Variants in FBXO28 observed in about 807,000 individuals in gnomAD.
FBXO28 encodes F-box protein 28.
FBXO28 carries 8 observed loss-of-function variants against 38.1 expected under a neutral mutation model. That is an observed-to-expected ratio of 0.21 (90% CI 0.12 to 0.38). The LOEUF (loss-of-function observed/expected upper bound fraction) is 0.38, where lower values mean the gene tolerates loss of function less well. FBXO28 is among the 10% of genes least tolerant of loss of function. FBXO28 has a pLI of 1.00. For synonymous variants in FBXO28, 168 were observed against 173.8 expected (o/e 0.97, Z 0.26); for missense variants, 345 against 460.6 (o/e 0.75, Z 2.30).
intron 3 of FBXO28, among the ~76,000 whole-genome samples, chr1:224,137,494 G>T (rs953202962): frequency 6.6e-6 from 1 of 151,558 alleles, no homozygotes; most frequent in African/African-American, 2.4e-5. Context: ...CTGCACTCCA[G>T]CCTGGCAACA....
At chr1:224,115,079 G>A (rs928458239) in intron 1 of FBXO28, among the ~76,000 whole-genome samples, 2 of 151,996 alleles carry the variant, frequency 1.3e-5, no homozygotes, top group Non-Finnish European at 1.5e-5. Flanking sequence ...CCCTTGACGG[G>A]TTTTTTCTCT....
At position 224,136,659 on chromosome 1, in the gene FBXO28, C is replaced by T. The variant is rs372407642; in HGVS notation, c.516+2447C>T. 3.8e-4 allele frequency among the ~76,000 whole-genome samples: 57 copies of T among 150,822 alleles called. No individual in the cohort carries two copies. In the South Asian group the frequency reaches 0.012, roughly 31 times the overall value. Reference sequence around the variant, plus strand: ...AGGAGAATGGCATGAACCTGGGAGGCAGAGCTTGCAGTGAGCCAAGATCGT... The same window carrying T: ...AGGAGAATGGCATGAACCTGGGAGGTAGAGCTTGCAGTGAGCCAAGATCGT... On this transcript the variant is annotated intron_variant, in intron 3 of 4. Transcript: ENST00000366862.
At chr1:224,125,486 C>T (rs1015862087) in intron 1 of FBXO28, among the ~76,000 whole-genome samples, 3 of 151,928 alleles carry the variant, frequency 2.0e-5, no homozygotes, top group African/African-American at 4.8e-5. Flanking sequence ...GTGAAATTTC[C>T]AGAACCACGT....
At chr1:224,134,411 A>G (rs1260078956) in intron 3 of FBXO28, 199 bp downstream of exon 3, 1 of 470,674 alleles carries the variant, frequency 2.1e-6, no homozygotes, top group Non-Finnish European at 3.6e-6. Flanking sequence ...ATTATGAAAT[A>G]GTCGAAACCC....
intron 2 of FBXO28, among the ~76,000 whole-genome samples, chr1:224,131,316 C>G (rs901340090): frequency 1.3e-5 from 2 of 150,660 alleles, no homozygotes; most frequent in Non-Finnish European, 2.9e-5. Flanking sequence ...AAACTTGATA[C>G]ACTGATCCTA....
intron 1 of FBXO28, 145 bp downstream of exon 1, chr1:224,114,541 C>T (rs1656598380): frequency 3.0e-6 from 2 of 660,076 alleles, no homozygotes; most frequent in African/African-American, 2.0e-5. Context: ...GTCCCGAACT[C>T]TCCCTTGGCG....
At chr1:224,135,611 C>CAAA (rs71168313) in intron 3 of FBXO28, among the ~76,000 whole-genome samples, 6,994 of 109,490 alleles carry the variant, frequency 0.064, 471 homozygotes, top group Non-Finnish European at 0.074. Flanking sequence ...GACTCTGTCT[C>CAAA]AAAAAAAAAA....
At chr1:224,125,609 T>G (rs1159683879) in intron 1 of FBXO28, among the ~76,000 whole-genome samples, 1 of 151,760 alleles carries the variant, frequency 6.6e-6, no homozygotes, top group Non-Finnish European at 1.5e-5. Context: ...TTTTGTTTAT[T>G]AAGTCCAACT....
intron 3 of FBXO28, among the ~76,000 whole-genome samples, chr1:224,149,351 A>C (rs565127576): frequency 4.7e-5 from 7 of 149,670 alleles, no homozygotes; most frequent in African/African-American, 1.7e-4. Context: ...AGGCATGCGC[A>C]CAGCTAATTT....
chr1:224,142,861 G>A (rs895450129), intron 3 of FBXO28, among the ~76,000 whole-genome samples: 3 of 151,962 alleles, frequency 2.0e-5, no homozygotes, highest in African/African-American at 4.8e-5. Context: ...CACGAGAATC[G>A]CTTCAACCCA....
chr1:224,131,828 AC>A (rs1657055323), intron 2 of FBXO28, among the ~76,000 whole-genome samples: 1 of 152,158 alleles, frequency 6.6e-6, no homozygotes, highest in African/African-American at 2.4e-5. Flanking sequence ...AAAATGTAAA[AC>A]TTTTGTGGCT....
intron 4 of FBXO28, among the ~76,000 whole-genome samples, chr1:224,154,224 T>G (rs7520959): frequency 0.12 from 18,957 of 152,194 alleles, 1,183 homozygotes; most frequent in South Asian, 0.17. Context: ...CAAAATTATC[T>G]AGCAAAGCCT....
At chr1:224,157,294 G>A (rs41303994) in intron 4 of FBXO28, 58 bp from the exon 5 acceptor site, 21,235 of 1,518,104 alleles carry the variant, frequency 0.014, 224 homozygotes, top group Non-Finnish European at 0.016. Flanking sequence ...ATAAGTGTAA[G>A]TATTACTGGT....
intron 3 of FBXO28, among the ~76,000 whole-genome samples, chr1:224,152,327 T>C (rs762333540): frequency 8.5e-5 from 13 of 152,120 alleles, no homozygotes; most frequent in Non-Finnish European, 1.9e-4. Context: ...GGGGGCAGTA[T>C]TAAAAAGAGC....
chr1:224,127,418 C>T (rs764779521), intron 1 of FBXO28, among the ~76,000 whole-genome samples: 1 of 151,898 alleles, frequency 6.6e-6, no homozygotes, highest in Non-Finnish European at 1.5e-5. Flanking sequence ...TCTGTTAAAC[C>T]ACATATCAAA....
chr1:224,134,462 G>A (rs1416327700), intron 3 of FBXO28: 2 of 286,448 alleles, frequency 7.0e-6, no homozygotes, highest in African/African-American at 2.2e-5. Flanking sequence ...TCATACTCAA[G>A]AATAAAATTT....
At chr1:224,115,844 C>T (rs897246381) in intron 1 of FBXO28, among the ~76,000 whole-genome samples, 1 of 152,064 alleles carries the variant, frequency 6.6e-6, no homozygotes, top group Non-Finnish European at 1.5e-5. Flanking sequence ...TTGGAATATT[C>T]ACAGTTCTGT....
intron 3 of FBXO28, among the ~76,000 whole-genome samples, chr1:224,143,540 AT>A (rs1259358616): frequency 6.6e-6 from 1 of 152,128 alleles, no homozygotes; most frequent in African/African-American, 2.4e-5. Flanking sequence ...AAATGAATGA[AT>A]AGGACGGGTG....
rs769577253 is a variant in FBXO28, at chr1:224,127,208, GTTTA to G, written c.268-3262_268-3259del. Among the ~76,000 whole-genome samples, 184 of 150,258 alleles carry G rather than the reference GTTTA, an allele frequency of 1.2e-3. 1 individual carries two copies. The highest frequency in any genetic ancestry group is 4.4e-3 in the African/African-American group (178 of 40,812). ...TATGTGTGTGTGTGTGTGTGTGTGTGTTTATGTTTGGCACGCTTATTTTTTCCAC... is the reference window on the plus strand; with the variant it reads ...TATGTGTGTGTGTGTGTGTGTGTGTGTGTTTGGCACGCTTATTTTTTCCAC... On this transcript the variant is annotated intron_variant, in intron 1 of 4. Transcript: ENST00000366862.
Sources: gnomAD v4.1 joint callset for allele counts (sites outside exome capture counted in the v4.1 genomes callset) on GRCh38, gnomAD v4.1.1 for gene constraint, MANE v1.5 for transcripts, NCBI Gene and HGNC (gene_info 2026-07-23, HGNC 2026-07-21) for gene names.